The following PARD3B variants were observed in gnomAD, a reference collection of about 807,000 sequenced individuals.
The protein encoded by PARD3B is par-3 family cell polarity regulator beta.
PARD3B carries 103 observed loss-of-function variants against 130.2 expected under a neutral mutation model. The observed-to-expected ratio is 0.79, with a 90% confidence interval of 0.67 to 0.93. The LOEUF is 0.93. PARD3B is among the 40% of genes least tolerant of loss of function. The probability of loss-of-function intolerance (pLI) is 0.00; values close to 1 mark genes in which losing one functional copy is unlikely to be tolerated. For synonymous variants in PARD3B, 583 were observed against 553.2 expected, an observed-to-expected ratio of 1.05 and a Z score of -0.76; for missense variants, 1,609 against 1,499.2, an observed-to-expected ratio of 1.07 and a Z score of -1.21.
chr2:205,133,143 G>A (rs745355118), intron 10 of PARD3B, among the ~76,000 whole-genome samples: 1 of 152,146 alleles, frequency 6.6e-6, no homozygotes, highest in African/African-American at 2.4e-5. Flanking sequence ...TGAGGGTTAG[G>A]ATAGTTTTCC....
At chr2:204,729,984 TACACACACACACAAACACAC>T (rs2039420354) in intron 2 of PARD3B, among the ~76,000 whole-genome samples, 1 of 81,730 alleles carries the variant, frequency 1.2e-5, no homozygotes, top group Non-Finnish European at 2.7e-5. Flanking sequence ...TAGTTACAGA[TACACACACACACAAACACAC>T]ACACACACAC....
intron 2 of PARD3B, among the ~76,000 whole-genome samples, chr2:204,884,628 G>A (rs940575162): frequency 1.3e-5 from 2 of 152,036 alleles, no homozygotes; most frequent in Non-Finnish European, 1.5e-5. Flanking sequence ...CCAGCAACAG[G>A]CCCCAGTGTG....
chr2:205,556,727 A>G (rs1342106807), intron 22 of PARD3B, among the ~76,000 whole-genome samples: 1 of 152,218 alleles, frequency 6.6e-6, no homozygotes, highest in Non-Finnish European at 1.5e-5. Flanking sequence ...CCAATGTTTT[A>G]CCAGCCTCAA....
At chr2:205,035,508 T>C (rs773486874) in intron 3 of PARD3B, among the ~76,000 whole-genome samples, 39 of 151,980 alleles carry the variant, frequency 2.6e-4, no homozygotes, top group Non-Finnish European at 4.4e-4. Context: ...AGCTCTGGCT[T>C]TGTGCATTTC....
chr2:205,108,214 C>G (rs1226704247), intron 5 of PARD3B, among the ~76,000 whole-genome samples: 5 of 152,164 alleles, frequency 3.3e-5, no homozygotes, highest in Admixed American at 2.0e-4. Context: ...TTTAGTAATT[C>G]CTGCCTCAAG....
chr2:204,755,542 A>G (rs771676329), intron 2 of PARD3B, among the ~76,000 whole-genome samples: 1 of 152,234 alleles, frequency 6.6e-6, no homozygotes, highest in South Asian at 2.1e-4. Context: ...TTTTTGTTCA[A>G]TGACACATCA....
chr2:205,450,999 C>CT (rs1378372713), intron 20 of PARD3B, among the ~76,000 whole-genome samples: 3 of 152,212 alleles, frequency 2.0e-5, no homozygotes, highest in African/African-American at 7.2e-5. Context: ...AGTCCAATTT[C>CT]TATGGGTCCC....
At chr2:205,354,999 T>C (rs2044140297) in intron 18 of PARD3B, among the ~76,000 whole-genome samples, 1 of 152,140 alleles carries the variant, frequency 6.6e-6, no homozygotes, top group African/African-American at 2.4e-5. Context: ...AAAATAGGAC[T>C]TTGTTTAACA....
chr2:205,094,562 T>C (rs892811335), intron 4 of PARD3B, among the ~76,000 whole-genome samples: 4 of 152,094 alleles, frequency 2.6e-5, no homozygotes, highest in Non-Finnish European at 2.9e-5. Flanking sequence ...TACGAATAAG[T>C]GTGCTTTTCT....
At chr2:205,135,033 A>G (rs1382822241) in intron 10 of PARD3B, among the ~76,000 whole-genome samples, 1 of 152,194 alleles carries the variant, frequency 6.6e-6, no homozygotes, top group East Asian at 1.9e-4. Context: ...CCTCATTTTC[A>G]TGGTGCATGA....
chr2:205,448,012 A>G (rs2047967020), intron 20 of PARD3B, among the ~76,000 whole-genome samples: 1 of 152,170 alleles, frequency 6.6e-6, no homozygotes, highest in African/African-American at 2.4e-5. Flanking sequence ...ACATTTATGA[A>G]CTCTAAACAT....
intron 16 of PARD3B, among the ~76,000 whole-genome samples, chr2:205,267,676 C>T (rs1540362): frequency 1 from 151,501 of 152,248 alleles, 75,382 homozygotes; most frequent in Middle Eastern, 1. Flanking sequence ...TTTAATCTCA[C>T]TGTAATTTAT....
chr2:205,320,592 A>G (rs2042719990), intron 18 of PARD3B, among the ~76,000 whole-genome samples: 1 of 152,228 alleles, frequency 6.6e-6, no homozygotes. Flanking sequence ...GTCATTAACA[A>G]CTATCAATAG....
Position 205,446,068 on chromosome 2 carries a change from GT to G in PARD3B, c.3044+5399del, listed in dbSNP as rs2047896412. Among the ~76,000 whole-genome samples, 1 of 152,142 alleles carries G rather than the reference GT, an allele frequency of 6.6e-6. No homozygotes were observed. The highest frequency in any genetic ancestry group is 2.1e-4 in the South Asian group (1 of 4,834). On this transcript the variant is annotated intron_variant, in intron 20 of 22. Transcript: ENST00000406610. The surrounding 1 kb of genome is among the most constrained non-coding windows in gnomAD (Gnocchi z 4.4). ...AGCCGAAGAGTAAGTGCAGGGTACT[GT>G]TTGGGGCCAGGCAGCAAGGGTGAAA...
At chr2:205,010,652 C>T (rs547020085) in intron 3 of PARD3B, among the ~76,000 whole-genome samples, 20 of 152,264 alleles carry the variant, frequency 1.3e-4, no homozygotes, top group Admixed American at 4.6e-4. Context: ...AATCTTGAAT[C>T]GATTGCATTG....
chr2:205,402,170 T>C (rs185209893), intron 19 of PARD3B, among the ~76,000 whole-genome samples: 21 of 152,338 alleles, frequency 1.4e-4, no homozygotes, highest in African/African-American at 4.3e-4. Context: ...TTTAGTCCTT[T>C]CTCATTTTTG....
chr2:205,557,316 C>T (rs1302809110), intron 22 of PARD3B, among the ~76,000 whole-genome samples: 1 of 152,206 alleles, frequency 6.6e-6, no homozygotes, highest in Non-Finnish European at 1.5e-5. Flanking sequence ...GACTATCCCA[C>T]AGTGGCCATT....
chr2:205,157,235 C>G (rs1049374269), intron 10 of PARD3B, among the ~76,000 whole-genome samples: 1 of 152,056 alleles, frequency 6.6e-6, no homozygotes, highest in Non-Finnish European at 1.5e-5. Flanking sequence ...TTTTGAAAGA[C>G]AAAGGTGAAG....
At chr2:205,598,653 C>A (rs1408598998) in intron 22 of PARD3B, among the ~76,000 whole-genome samples, 1 of 152,110 alleles carries the variant, frequency 6.6e-6, no homozygotes, top group Non-Finnish European at 1.5e-5. Context: ...ACCCAACAAC[C>A]ACAGAATATG....
Sources: gnomAD v4.1 joint callset for allele counts (sites outside exome capture counted in the v4.1 genomes callset) on GRCh38, gnomAD v4.1.1 for gene constraint, Gnocchi (gnomAD v3.1) non-coding constraint, MANE v1.5 for transcripts, NCBI Gene and HGNC (gene_info 2026-07-23, HGNC 2026-07-21) for gene names.